Variants in FIP1L1 observed in about 807,000 individuals in gnomAD.
FIP1L1 encodes the protein pre-mRNA 3'-end-processing factor FIP1.
A neutral mutation model predicts 84.6 loss-of-function variants in FIP1L1; 21 were observed. The observed-to-expected ratio is 0.25, with a 90% confidence interval of 0.18 to 0.36. The LOEUF (loss-of-function observed/expected upper bound fraction) is 0.36, where lower values mean the gene tolerates loss of function less well. Ranked by LOEUF, FIP1L1 falls within the 10% of genes least tolerant of loss-of-function variation. The pLI is 1.00. For missense variants in FIP1L1, 526 were observed against 751.1 expected (o/e 0.70, Z 3.50); for synonymous variants, 263 against 242.3 (o/e 1.09, Z -0.80).
chr4:53,438,796 A>G (rs560891357), intron 13 of FIP1L1, among the ~76,000 whole-genome samples: 28 of 152,342 alleles, frequency 1.8e-4, no homozygotes, highest in Non-Finnish European at 3.8e-4. Flanking sequence ...AACAACTTAA[A>G]TGTTTTTGAG....
At chr4:53,435,002 G>A (rs961988427) in intron 13 of FIP1L1, among the ~76,000 whole-genome samples, 1 of 151,974 alleles carries the variant, frequency 6.6e-6, no homozygotes, top group African/African-American at 2.4e-5. Context: ...TGAATTTTTG[G>A]TCTTACTCAA....
chr4:53,426,583 A>G (rs1764456468), intron 12 of FIP1L1, among the ~76,000 whole-genome samples: 1 of 152,164 alleles, frequency 6.6e-6, no homozygotes, highest in Non-Finnish European at 1.5e-5. Flanking sequence ...ATGAAAAATA[A>G]AAGACCACCA....
intron 13 of FIP1L1, among the ~76,000 whole-genome samples, chr4:53,439,542 TTC>T (rs937706407): frequency 3.9e-5 from 6 of 152,192 alleles, no homozygotes; most frequent in African/African-American, 1.2e-4. Flanking sequence ...TTGAAAACAA[TTC>T]TGTTTCTTTT....
chr4:53,409,764 G>A (rs1203267377), intron 10 of FIP1L1, among the ~76,000 whole-genome samples: 4 of 152,206 alleles, frequency 2.6e-5, no homozygotes, highest in African/African-American at 9.7e-5. Context: ...AGCAATCTGC[G>A]AGACTCCGTG....
chr4:53,380,655 C>A (rs1229726100), intron 3 of FIP1L1, among the ~76,000 whole-genome samples: 2 of 152,118 alleles, frequency 1.3e-5, no homozygotes, highest in Non-Finnish European at 2.9e-5. Context: ...AGCTTCCTTA[C>A]CCAAAAAATC....
At chr4:53,410,093 G>T (rs1756364725) in intron 10 of FIP1L1, among the ~76,000 whole-genome samples, 1 of 152,212 alleles carries the variant, frequency 6.6e-6, no homozygotes, top group Admixed American at 6.5e-5. Flanking sequence ...CGCTCACGCT[G>T]GGAGCTGTAG....
Position 53,399,850 on chromosome 4 carries a change from T to C in FIP1L1, c.815+11T>C, listed in dbSNP as rs774155401. The C allele has an allele frequency of 1.3e-6, 2 of 1,513,678 alleles. No homozygotes were observed. Among genetic ancestry groups the C allele is most frequent in the East Asian group, 2.3e-5 (1 of 44,326 alleles). The allele number at this position is 1,513,678 out of a possible 1,614,324, so 93.8% of individuals were successfully genotyped here. A position where few individuals can be genotyped will look rare whatever the true frequency, so the allele number is the denominator to read the frequency against. ...GCTTCCACCGAGCAGGTTAGTTACA[T>C]AGTTATAACTCAATTACTGTACGAC... On this transcript the variant is annotated intron_variant, in intron 10 of 17. Coordinates refer to ENST00000337488, the MANE Select transcript of FIP1L1 (RefSeq NM_030917.4).
At chr4:53,390,734 A>G (rs1743823630) in intron 7 of FIP1L1, 106 bp downstream of exon 7, 2 of 731,346 alleles carry the variant, frequency 2.7e-6, no homozygotes. Flanking sequence ...TATAATTTTA[A>G]TTGTCTTAAG....
chr4:53,384,179 C>T (rs1739608805), intron 5 of FIP1L1, among the ~76,000 whole-genome samples: 3 of 151,984 alleles, frequency 2.0e-5, no homozygotes, highest in South Asian at 2.1e-4. Context: ...GAGGCCGAGG[C>T]GGGTGAATCA....
At chr4:53,456,752 G>A (rs192394691) in intron 16 of FIP1L1, among the ~76,000 whole-genome samples, 1 of 152,064 alleles carries the variant, frequency 6.6e-6, no homozygotes, top group East Asian at 1.9e-4. Flanking sequence ...ATCAGAAAAG[G>A]GGATGGAAGG....
rs747522360 is a variant in FIP1L1, at chr4:53,442,724, A to G, written c.1229+17A>G. Reference sequence around the variant, plus strand: ...AATAGAAAGGTAAATCAGTATGGATACTGATTTTTGATCATTGATAGCCTT... The same window carrying G: ...AATAGAAAGGTAAATCAGTATGGATGCTGATTTTTGATCATTGATAGCCTT... On this transcript the variant is annotated intron_variant, in intron 14 of 17. Coordinates refer to ENST00000337488, the MANE Select transcript of FIP1L1 (RefSeq NM_030917.4). 5.3e-6 allele frequency: 8 copies of G among 1,519,248 alleles called. No individual in the cohort carries two copies. In the Admixed American group the frequency reaches 8.6e-5, roughly 16 times the overall value. The allele number at this position is 1,519,248 out of a possible 1,614,324, so 94.1% of individuals were successfully genotyped here. A position where few individuals can be genotyped will look rare whatever the true frequency, so the allele number is the denominator to read the frequency against.
intron 10 of FIP1L1, among the ~76,000 whole-genome samples, chr4:53,410,728 T>C (rs562885183): frequency 1.3e-5 from 2 of 152,326 alleles, no homozygotes; most frequent in South Asian, 4.1e-4. Flanking sequence ...TATTCCAGTA[T>C]CAAACTGCAG....
intron 15 of FIP1L1, among the ~76,000 whole-genome samples, chr4:53,449,776 T>C (rs888539871): frequency 6.6e-6 from 1 of 152,214 alleles, no homozygotes; most frequent in Non-Finnish European, 1.5e-5. Context: ...ATGTCTTTAA[T>C]AGTTATTAGA....
At chr4:53,382,129 C>T (rs746635224) in intron 3 of FIP1L1, 149 bp from the exon 4 acceptor site, 12 of 545,720 alleles carry the variant, frequency 2.2e-5, no homozygotes, top group Middle Eastern at 4.8e-4. Context: ...CTAGAAATAA[C>T]GGAATAAGAC....
Position 53,377,702 on chromosome 4 carries a change from C to G in FIP1L1, c.-137C>G. 1 of 745,470 alleles carries G rather than the reference C, an allele frequency of 1.3e-6. No individual in the cohort carries two copies. The highest frequency in any genetic ancestry group is 2.0e-6 in the Non-Finnish European group (1 of 490,644). 46.2% of individuals were successfully genotyped at this position (745,470 alleles called of 1,614,324 possible). Reference sequence around the variant, plus strand: ...CTTTGCCGCCGCTGCCGTCGCCTTCCTGGGATTGGAGTCTCGAGCTTTCTT... The same window carrying G: ...CTTTGCCGCCGCTGCCGTCGCCTTCGTGGGATTGGAGTCTCGAGCTTTCTT... On this transcript the variant is annotated 5_prime_UTR_variant, in exon 1 of 18. Coordinates refer to ENST00000337488, the MANE Select transcript of FIP1L1 (RefSeq NM_030917.4).
At chr4:53,381,750 A>ATTTTTTTTTTTTT (rs1233462083) in intron 3 of FIP1L1, among the ~76,000 whole-genome samples, 26 of 63,040 alleles carry the variant, frequency 4.1e-4, no homozygotes, top group Middle Eastern at 0.011. Flanking sequence ...AGGCATTTGC[A>ATTTTTTTTTTTTT]TTCTTTTTTT....
At chr4:53,416,153 G>T (rs1354764827) in intron 11 of FIP1L1, among the ~76,000 whole-genome samples, 3 of 152,048 alleles carry the variant, frequency 2.0e-5, no homozygotes, top group Non-Finnish European at 4.4e-5. Context: ...GTTCATAATT[G>T]TACTAATACA....
rs191512994 is a variant in FIP1L1, at chr4:53,394,383, A to T, written c.705+2885A>T. 5.3e-5 allele frequency among the ~76,000 whole-genome samples: 8 copies of T among 152,234 alleles called. No individual in the cohort carries two copies. The East Asian group carries it at 1.5e-3, about 29-fold the overall frequency. On this transcript the variant is annotated intron_variant, in intron 9 of 17. Coordinates refer to ENST00000337488, the MANE Select transcript of FIP1L1 (RefSeq NM_030917.4). The stretch of plus-strand genomic sequence containing the variant: ...TGTACATCTGAATAGAACTTGCTTG[A>T]CTGCAGGCTTCACTGGAGGGCTGTT...
At chr4:53,420,053 C>T (rs1761540852) in intron 11 of FIP1L1, among the ~76,000 whole-genome samples, 1 of 151,862 alleles carries the variant, frequency 6.6e-6, no homozygotes. Context: ...TAAAAATTAG[C>T]CGGGCGCGGT....
Sources: allele counts gnomAD v4.1 joint callset (sites outside exome capture counted in the v4.1 genomes callset), GRCh38; gene constraint gnomAD v4.1.1; transcripts MANE v1.5; gene names NCBI Gene and HGNC (gene_info 2026-07-23, HGNC 2026-07-21).